The following PCDHA7 variants were observed in gnomAD, a reference collection of about 807,000 sequenced individuals.
PCDHA7 encodes protocadherin alpha-7.
A neutral mutation model predicts 57.2 loss-of-function variants in PCDHA7; 37 were observed. The ratio of observed to expected loss-of-function variants is 0.65; its 90% CI spans 0.50 to 0.85. The LOEUF (loss-of-function observed/expected upper bound fraction) is 0.85, where lower values mean the gene tolerates loss of function less well. PCDHA7 is among the 40% of genes least tolerant of loss of function. The pLI is 0.00. For missense variants in PCDHA7, 1,188 were observed against 1,241.8 expected (o/e 0.96, Z 0.65); for synonymous variants, 553 against 558.8 (o/e 0.99, Z 0.15).
intron 1 of PCDHA7, chr5:140,841,864 T>C (rs1554138599): frequency 3.1e-6 from 5 of 1,613,852 alleles, no homozygotes; most frequent in Non-Finnish European, 4.2e-6. Flanking sequence ...TCATGCTAGA[T>C]GTGAATTCAA....
intron 1 of PCDHA7, among the ~76,000 whole-genome samples, chr5:140,953,372 A>G (rs1472097697): frequency 6.6e-6 from 1 of 151,982 alleles, no homozygotes; most frequent in Non-Finnish European, 1.5e-5. Flanking sequence ...AGGATTCTCT[A>G]CCCCTCTCAG....
At chr5:140,868,882 T>G in intron 1 of PCDHA7, 1 of 715,192 alleles carries the variant, frequency 1.4e-6, no homozygotes, top group Non-Finnish European at 2.2e-6. Context: ...GTACTCACAG[T>G]TTTAGGCGCA....
intron 1 of PCDHA7, among the ~76,000 whole-genome samples, chr5:140,935,894 C>CTT (rs55841305): frequency 0.3 from 41,439 of 136,538 alleles, 6,640 homozygotes; most frequent in East Asian, 0.49. Context: ...TCAATATTAT[C>CTT]TTTTTTTTTT....
In PCDHA7 at chr5:140,853,235, T is replaced by C. The variant is rs2150529918; in HGVS notation, c.2355+16497T>C. Reference sequence around the variant, plus strand: ...TTGATGGGATTGGTAATTTAGTCCTTCATATTAATCTCTATTCTCTCTCAG... The same window carrying C: ...TTGATGGGATTGGTAATTTAGTCCTCCATATTAATCTCTATTCTCTCTCAG... On this transcript the variant is annotated intron_variant, in intron 1 of 3. Coordinates refer to ENST00000525929, the MANE Select transcript of PCDHA7 (RefSeq NM_018910.3). 4 of 980,668 alleles carry C rather than the reference T, an allele frequency of 4.1e-6. No individual in the cohort carries two copies. In the East Asian group the frequency reaches 4.6e-4, roughly 112 times the overall value. The allele number at this position is 980,668 out of a possible 1,614,324, so 60.7% of individuals were successfully genotyped here. A position where few individuals can be genotyped will look rare whatever the true frequency, so the allele number is the denominator to read the frequency against.
intron 1 of PCDHA7, among the ~76,000 whole-genome samples, chr5:140,905,747 C>T (rs2072054792): frequency 2.0e-5 from 3 of 152,156 alleles, no homozygotes; most frequent in South Asian, 2.1e-4. Context: ...AGAGATCTTT[C>T]ACCTCCTTGG....
chr5:140,968,935 C>T, intron 1 of PCDHA7: 1 of 1,614,172 alleles, frequency 6.2e-7, no homozygotes, highest in Non-Finnish European at 8.5e-7. Context: ...TTTTGACAAT[C>T]ATCATTTTGA....
At position 141,011,003 on chromosome 5, in the gene PCDHA7, C is replaced by G. The variant is rs748731648; in HGVS notation, c.*1066C>G. 2.0e-5 allele frequency: 3 copies of G among 153,824 alleles called. No homozygotes were observed. In the South Asian group the frequency reaches 6.2e-4, roughly 32 times the overall value. 9.5% of individuals were successfully genotyped at this position (153,824 alleles called of 1,614,324 possible). On this transcript the variant is annotated 3_prime_UTR_variant, in exon 4 of 4. Coordinates refer to ENST00000525929, the MANE Select transcript of PCDHA7 (RefSeq NM_018910.3). ...ATTGCCTGAAACATCTGTATTATAT[C>G]GGCCACCTGCCAATCACAGCTTTAC...
chr5:141,010,696 C>A lies in PCDHA7; in HGVS notation c.*759C>A. ...AAACAGAAGCAGATCTGATGTGTTT[C>A]CTATACATGTCCTGTGCTCACTTTA... On this transcript the variant is annotated 3_prime_UTR_variant, in exon 4 of 4. Transcript: ENST00000525929. The A allele has an allele frequency of 6.3e-6, 1 of 159,082 alleles. No individual in the cohort carries two copies. The highest frequency in any genetic ancestry group is 1.4e-5 in the Non-Finnish European group (1 of 71,522). 9.9% of individuals were successfully genotyped at this position (159,082 alleles called of 1,614,324 possible).
At chr5:140,935,127 T>C (rs1223390448) in intron 1 of PCDHA7, among the ~76,000 whole-genome samples, 1 of 152,170 alleles carries the variant, frequency 6.6e-6, no homozygotes, top group Non-Finnish European at 1.5e-5. Flanking sequence ...TTATTTTTAG[T>C]GAAAGATGAT....
At chr5:140,974,690 T>G (rs2096636717) in intron 1 of PCDHA7, among the ~76,000 whole-genome samples, 4 of 152,236 alleles carry the variant, frequency 2.6e-5, no homozygotes, top group Admixed American at 2.6e-4. Context: ...TTTGTATTTT[T>G]GGGTTTCACC....
At chr5:140,970,366 A>G (rs1438755786) in intron 1 of PCDHA7, among the ~76,000 whole-genome samples, 2 of 152,196 alleles carry the variant, frequency 1.3e-5, no homozygotes, top group Admixed American at 1.3e-4. Context: ...TTGATTTGCT[A>G]TAGCTTCAAA....
intron 2 of PCDHA7, chr5:140,982,255 G>A (rs1226877967): frequency 1.6e-5 from 13 of 791,614 alleles, no homozygotes; most frequent in South Asian, 1.3e-4. Context: ...GATAGAACAT[G>A]TGTGTTCCTG....
intron 1 of PCDHA7, among the ~76,000 whole-genome samples, chr5:140,971,561 A>G (rs367567903): frequency 1.3e-3 from 195 of 152,186 alleles, no homozygotes; most frequent in African/African-American, 4.3e-3. Context: ...TTAAATTCCC[A>G]TGTTGGGCTT....
At chr5:140,927,051 G>C (rs1554203978) in intron 1 of PCDHA7, 1 of 1,611,998 alleles carries the variant, frequency 6.2e-7, no homozygotes, top group Non-Finnish European at 8.5e-7. Flanking sequence ...TGTCCTCGCG[G>C]AACTTTCGCT....
chr5:140,876,976 C>A (rs782283591), intron 1 of PCDHA7: 2 of 1,612,586 alleles, frequency 1.2e-6, no homozygotes, highest in Admixed American at 1.7e-5. Context: ...GGTGGGCGAG[C>A]ACGCACTGTC....
intron 1 of PCDHA7, chr5:140,929,943 A>G (rs996777609): frequency 1.3e-5 from 2 of 152,224 alleles, no homozygotes; most frequent in African/African-American, 4.8e-5. Flanking sequence ...TCTCTAGCCT[A>G]TACTTTTAAT....
intron 1 of PCDHA7, chr5:140,967,874 C>T: frequency 6.2e-7 from 1 of 1,614,132 alleles, no homozygotes; most frequent in Non-Finnish European, 8.5e-7. Context: ...GCTCACGGAC[C>T]TGTATAGCCC....
Position 140,850,160 on chromosome 5 carries a change from G to A in PCDHA7, c.2355+13422G>A, listed in dbSNP as rs2150470275. On this transcript the variant is annotated intron_variant, in intron 1 of 3. Coordinates refer to ENST00000525929, the MANE Select transcript of PCDHA7 (RefSeq NM_018910.3). ...GCAACGTGACGCTGCAGGTGTTCGT[G>A]CTGGACGAGAACGACAATGCGCCGG... 5 of 1,595,068 alleles carry A rather than the reference G, an allele frequency of 3.1e-6. No homozygotes were observed. The Admixed American group carries it at 6.7e-5, about 22-fold the overall frequency.
intron 3 of PCDHA7, among the ~76,000 whole-genome samples, chr5:140,989,404 A>G (rs2097341135): frequency 6.6e-6 from 1 of 152,134 alleles, no homozygotes; most frequent in Non-Finnish European, 1.5e-5. Flanking sequence ...GAGGGTGGAG[A>G]GTCTGCACTT....
Sources: gnomAD v4.1 joint callset for allele counts (sites outside exome capture counted in the v4.1 genomes callset) on GRCh38, gnomAD v4.1.1 for gene constraint, MANE v1.5 for transcripts, NCBI Gene and HGNC (gene_info 2026-07-23, HGNC 2026-07-21) for gene names.